Variants in WASHC5 observed in about 807,000 individuals in gnomAD.
WASHC5 encodes WASH complex subunit strumpellin.
In WASHC5, 101 loss-of-function variants were observed where a neutral mutation model predicts 150.4. The observed-to-expected ratio is 0.67, with a 90% CI of 0.57 to 0.79. The LOEUF is 0.79. Among genes scored for constraint, WASHC5 ranks in the 30% least tolerant of loss-of-function variants. The probability of loss-of-function intolerance (pLI) is 0.00; values close to 1 mark genes in which losing one functional copy is unlikely to be tolerated. For missense variants in WASHC5, 1,195 were observed against 1,396.3 expected, an observed-to-expected ratio of 0.86 and a Z score of 2.30; for synonymous variants, 467 against 491.2, an observed-to-expected ratio of 0.95 and a Z score of 0.65.
intron 11 of WASHC5, among the ~76,000 whole-genome samples, chr8:125,062,018 T>G (rs746719021): frequency 4.6e-5 from 7 of 152,196 alleles, no homozygotes; most frequent in Non-Finnish European, 1.0e-4. Context: ...AAAGTTTTTT[T>G]TTTGTTTGTT....
intron 7 of WASHC5, among the ~76,000 whole-genome samples, 177 bp from the exon 8 acceptor site, chr8:125,075,288 T>C (rs761894236): frequency 3.9e-5 from 6 of 152,170 alleles, no homozygotes; most frequent in Non-Finnish European, 8.8e-5. Flanking sequence ...GTGTTCCTGA[T>C]TGTTAATTCA....
At chr8:125,059,321 A>G (rs369065137) in intron 13 of WASHC5, 24 bp from the exon 14 acceptor site, 6 of 1,613,484 alleles carry the variant, frequency 3.7e-6, no homozygotes, top group Non-Finnish European at 4.2e-6. Flanking sequence ...AGAAACGGTA[A>G]GAAGATGTTC....
At position 125,034,334 on chromosome 8, in the gene WASHC5, A is replaced by G. The variant is rs187562534; in HGVS notation, c.3182-1940T>C. ...GGCCAACATGGTGAAACCTGTCTCT[A>G]CTAACAATACAAAAATTACCCGAGC... On this transcript the variant is annotated intron_variant, in intron 26 of 28. Coordinates refer to ENST00000318410, the MANE Select transcript of WASHC5 (RefSeq NM_014846.4). 1.3e-3 allele frequency among the ~76,000 whole-genome samples: 200 copies of G among 152,150 alleles called. 1 individual carries two copies. The highest frequency in any genetic ancestry group is 4.7e-3 in the African/African-American group (194 of 41,512).
rs537158859 is a variant in WASHC5, at chr8:125,058,133, G to T, written c.1765-467C>A. Among the ~76,000 whole-genome samples, 491 of 151,498 alleles carry T rather than the reference G, an allele frequency of 3.2e-3. 3 individuals are homozygous for T. Among genetic ancestry groups the T allele is most frequent in the Non-Finnish European group, 5.0e-3 (341 of 67,912 alleles). Reference sequence around the variant, plus strand: ...TCTGTCCAATCTAATATGCCGTCAAGTGTAAGAAGTGCCATTATTTTATGT... The same window carrying T: ...TCTGTCCAATCTAATATGCCGTCAATTGTAAGAAGTGCCATTATTTTATGT... On this transcript the variant is annotated intron_variant, in intron 14 of 28. Transcript: ENST00000318410.
chr8:125,042,818 C>A (rs1484695626), intron 23 of WASHC5, among the ~76,000 whole-genome samples: 1 of 152,122 alleles, frequency 6.6e-6, no homozygotes, highest in Non-Finnish European at 1.5e-5. Flanking sequence ...TCTAGCAGAG[C>A]CATGGGCTCC....
chr8:125,073,047 T>C, intron 9 of WASHC5, 106 bp downstream of exon 9: 6 of 1,211,010 alleles, frequency 5.0e-6, no homozygotes, highest in Non-Finnish European at 7.3e-6. Context: ...TTGATTCTCA[T>C]CCAAGGCCTC....
Position 125,057,651 on chromosome 8 carries a change from C to A in WASHC5, c.1780G>T (p.Asp594Tyr). ...ATFLKLASAL[D>Y]LPLLRINQAN... ...TGATTAATACGAAGAAGGGGCAGAT[C>A]GAGGGCAGAGGCAAGCTGGAAGAAA... Residue 594 changes from aspartate (D) to tyrosine (Y), a missense_variant, in exon 15 of 29, where the codon GAT becomes TAT. Around this residue, in one of 3 missense-constraint regions of WASHC5, gnomAD observed 997 missense variants for 1,168.1 expected, o/e 0.85. Transcript: ENST00000318410. 1.2e-6 allele frequency: 2 copies of A among 1,612,590 alleles called. No homozygotes were observed. Among genetic ancestry groups the A allele is most frequent in the Non-Finnish European group, 1.7e-6 (2 of 1,178,836 alleles).
At chr8:125,047,078 A>C in intron 20 of WASHC5, 129 bp downstream of exon 20, 3 of 1,148,486 alleles carry the variant, frequency 2.6e-6, no homozygotes, top group Non-Finnish European at 2.6e-6. Flanking sequence ...CCCTTGCCCT[A>C]AAGGGTCAGA....
chr8:125,031,545 C>A (rs2129960514), intron 27 of WASHC5, among the ~76,000 whole-genome samples: 1 of 152,262 alleles, frequency 6.6e-6, no homozygotes, highest in Non-Finnish European at 1.5e-5. Context: ...GGATTACAGG[C>A]TTGAGCCACT....
chr8:125,048,789 G>A (rs1340857538), intron 19 of WASHC5, among the ~76,000 whole-genome samples: 1 of 152,108 alleles, frequency 6.6e-6, no homozygotes, highest in Non-Finnish European at 1.5e-5. Flanking sequence ...GCTTCATTCT[G>A]TAGCCATTTA....
At chr8:125,029,498 ACTC>A (rs879744185) in intron 27 of WASHC5, among the ~76,000 whole-genome samples, 5 of 151,748 alleles carry the variant, frequency 3.3e-5, no homozygotes, top group Non-Finnish European at 5.9e-5. Context: ...AGGAGTATAA[ACTC>A]CTCGAGGGCC....
At chr8:125,044,414 G>T in intron 21 of WASHC5, 122 bp downstream of exon 21, 1 of 1,070,464 alleles carries the variant, frequency 9.3e-7, no homozygotes, top group Non-Finnish European at 1.5e-6. Context: ...GGTATCATAT[G>T]CCTAAAGTCA....
At position 125,073,149 on chromosome 8, in the gene WASHC5, T is replaced by C. The variant is rs770015318; in HGVS notation, c.1150+4A>G. 1 of 1,614,054 alleles carries C rather than the reference T, an allele frequency of 6.2e-7. No homozygotes were observed. The highest frequency in any genetic ancestry group is 8.5e-7 in the Non-Finnish European group (1 of 1,179,916). On this transcript the variant is annotated splice_donor_region_variant and intron_variant, in intron 9 of 28. Coordinates refer to ENST00000318410, the MANE Select transcript of WASHC5 (RefSeq NM_014846.4). Reference sequence around the variant, plus strand: ...TATAAACGGCCACCCCTTTTGTGCATTACCTGAGTCTGCTGTATGAAGCAT... The same window carrying C: ...TATAAACGGCCACCCCTTTTGTGCACTACCTGAGTCTGCTGTATGAAGCAT...
chr8:125,047,158 T>C, intron 20 of WASHC5, 49 bp downstream of exon 20: 2 of 1,610,022 alleles, frequency 1.2e-6, no homozygotes, highest in Non-Finnish European at 1.7e-6. Flanking sequence ...CAGATGCAGA[T>C]GAGACTGCCT....
chr8:125,044,465 T>A, intron 21 of WASHC5, 71 bp downstream of exon 21: 1 of 1,532,030 alleles, frequency 6.5e-7, no homozygotes, highest in Non-Finnish European at 9.0e-7. Flanking sequence ...GAGTTCAAAC[T>A]GCCCACTAAA....
intron 27 of WASHC5, among the ~76,000 whole-genome samples, chr8:125,030,922 G>C (rs75180393): frequency 0.013 from 1,947 of 152,324 alleles, 35 homozygotes; most frequent in African/African-American, 0.045. Flanking sequence ...TAAGACAACA[G>C]ATGGCATACA....
intron 1 of WASHC5, among the ~76,000 whole-genome samples, chr8:125,090,774 T>C (rs924873034): frequency 1.3e-5 from 2 of 152,222 alleles, no homozygotes; most frequent in African/African-American, 4.8e-5. Flanking sequence ...TTTTAGCCTT[T>C]CGCAAAACCT....
rs772540847 is a variant in WASHC5 at position 125,063,558 on chromosome 8, A to T, written c.1372T>A (p.Ser458Thr). ...ERMTELADVF[S>T]GVKPLTRVEK... Reference sequence around the variant, plus strand: ...ACTCTGGTTAGGGGTTTCACTCCTGAAAAGACATCAGCAAGCTCAGTCATC... The same window carrying T: ...ACTCTGGTTAGGGGTTTCACTCCTGTAAAGACATCAGCAAGCTCAGTCATC... The change falls in exon 11 of 29, where the codon TCA becomes ACA. Residue 458 changes from serine to threonine, a missense_variant. Ser to Thr is a moderately conservative substitution (Grantham distance 58). This residue lies in a region of WASHC5 where 997 missense variants were observed against 1,168.1 expected (regional missense o/e 0.85). Coordinates refer to ENST00000318410, the MANE Select transcript of WASHC5 (RefSeq NM_014846.4). 1 of 1,614,008 alleles carries T rather than the reference A, an allele frequency of 6.2e-7. No individual in the cohort carries two copies. Among genetic ancestry groups the T allele is most frequent in the Admixed American group, 1.7e-5 (1 of 60,028 alleles).
rs751217031 is a variant in WASHC5, at chr8:125,059,412, A to G, written c.1652T>C (p.Val551Ala). Residue 551 changes from valine to alanine, a missense_variant, in exon 13 of 29, where the codon GTT becomes GCT. Physicochemically the swap from Val to Ala is moderately conservative, Grantham distance 64. Coordinates refer to ENST00000318410, the MANE Select transcript of WASHC5 (RefSeq NM_014846.4). ...KEEVLITMQI[V>A]GDLSFAWQLI... ...CTGCCAAGCGAAAGAAAGGTCCCCA[A>G]CGATCTGCATTGTGATCAGAACCTC... 2.5e-6 allele frequency: 4 copies of G among 1,614,082 alleles called. No individual in the cohort carries two copies. The highest frequency in any genetic ancestry group is 2.2e-5 in the East Asian group (1 of 44,896).
Sources: allele counts gnomAD v4.1 joint callset (sites outside exome capture counted in the v4.1 genomes callset), GRCh38; gene constraint gnomAD v4.1.1; regional missense constraint gnomAD v4.1.1; transcripts MANE v1.5; gene names NCBI Gene and HGNC (gene_info 2026-07-23, HGNC 2026-07-21).